The following TMEM39A variants were observed in gnomAD, a reference collection of about 807,000 sequenced individuals.
TMEM39A encodes suppressor of SQST-1 aggregates in rpl-43 mutants.
TMEM39A carries 19 observed loss-of-function variants against 51.9 expected under a neutral mutation model. The ratio of observed to expected loss-of-function variants is 0.37; its 90% confidence interval spans 0.26 to 0.54. TMEM39A has a LOEUF of 0.54. Ranked by LOEUF, TMEM39A falls within the 20% of genes least tolerant of loss-of-function variation. TMEM39A has a pLI of 0.88. For missense variants in TMEM39A, 433 were observed against 590.5 expected (o/e 0.73, Z 2.76); for synonymous variants, 197 against 220.2 (o/e 0.89, Z 0.93).
At chr3:119,455,247 A>G (rs1198259934) in intron 3 of TMEM39A, among the ~76,000 whole-genome samples, 2 of 152,200 alleles carry the variant, frequency 1.3e-5, no homozygotes, top group Non-Finnish European at 2.9e-5. Flanking sequence ...GTGATGGGAA[A>G]TAACTTGATC....
In TMEM39A at chr3:119,436,683, T is replaced by TAA; in HGVS notation, c.1112+106_1112+107dup. On this transcript the variant is annotated intron_variant, in intron 7 of 8. Coordinates refer to ENST00000319172, the MANE Select transcript of TMEM39A (RefSeq NM_018266.3). ...ACAAGCATCCATGTAAGACAAAAACTAAAAATTAAATGTTCAAAGCCAAGA... is the reference window on the plus strand; with the variant it reads ...ACAAGCATCCATGTAAGACAAAAACTAAAAAAATTAAATGTTCAAAGCCAAGA... The TAA allele has an allele frequency of 4.0e-6, 5 of 1,255,960 alleles. No homozygotes were observed. In the South Asian group the frequency reaches 7.2e-5, roughly 18 times the overall value. The allele number at this position is 1,255,960 out of a possible 1,614,324, so 77.8% of individuals were successfully genotyped here.
At position 119,437,961 on chromosome 3, in the gene TMEM39A, A is replaced by C. The variant is rs1577049694; in HGVS notation, c.718T>G (p.Phe240Val). The part of the protein sequence containing the change: ...TVGGLAKSKD[F>V]LSLLLESLKE... ...AGCGACTCCAGCAACAAGGAGAGAA[A>C]GTCTTTGGATTTGGCCAAGCCTCCC... is the stretch of plus-strand genomic sequence containing the variant. Residue 240 changes from phenylalanine to valine, a missense_variant, in exon 6 of 9, where the codon TTT becomes GTT. Coordinates refer to ENST00000319172, the MANE Select transcript of TMEM39A (RefSeq NM_018266.3). 6.2e-7 allele frequency: 1 copy of C among 1,614,166 alleles called. No homozygotes were observed.
At chr3:119,443,007 A>C (rs529955147) in intron 5 of TMEM39A, among the ~76,000 whole-genome samples, 1 of 148,318 alleles carries the variant, frequency 6.7e-6, no homozygotes, top group South Asian at 2.2e-4. Context: ...CAGATGTTGC[A>C]GTGAGCCATG....
intron 4 of TMEM39A, among the ~76,000 whole-genome samples, chr3:119,447,617 A>T (rs2081145061): frequency 7.3e-5 from 11 of 151,406 alleles, no homozygotes; most frequent in Admixed American, 7.2e-4. Flanking sequence ...TTATTTATTT[A>T]TTTTTAATTT....
At chr3:119,440,760 A>G (rs1446560051) in intron 5 of TMEM39A, among the ~76,000 whole-genome samples, 1 of 152,204 alleles carries the variant, frequency 6.6e-6, no homozygotes, top group Non-Finnish European at 1.5e-5. Context: ...ACAACTTCTT[A>G]AAAGTAACGA....
At chr3:119,433,251 T>C (rs759497123) in intron 8 of TMEM39A, among the ~76,000 whole-genome samples, 15 of 152,252 alleles carry the variant, frequency 9.9e-5, no homozygotes, top group East Asian at 1.9e-4. Context: ...TTGACAGCTA[T>C]AGGTAATAGG....
chr3:119,450,708 G>A (rs1436541352), intron 4 of TMEM39A, among the ~76,000 whole-genome samples: 1 of 150,926 alleles, frequency 6.6e-6, no homozygotes, highest in Non-Finnish European at 1.5e-5. Context: ...TGCAATCCCA[G>A]CTACTCAGGA....
Position 119,431,785 on chromosome 3 carries a change from T to C in TMEM39A, c.*196A>G, listed in dbSNP as rs188972315. 6.9e-6 allele frequency: 3 copies of C among 432,524 alleles called. No individual in the cohort carries two copies. The Admixed American group carries it at 1.2e-4, about 17-fold the overall frequency. 26.8% of individuals were successfully genotyped at this position (432,524 alleles called of 1,614,324 possible). A position where few individuals can be genotyped will look rare whatever the true frequency, so the allele number is the denominator to read the frequency against. On this transcript the variant is annotated 3_prime_UTR_variant, in exon 9 of 9. Coordinates refer to ENST00000319172, the MANE Select transcript of TMEM39A (RefSeq NM_018266.3). ...AGGCATACCTCTCATATGTATATTA[T>C]TCGAATATACTAACACATGAAAGAT... is the stretch of plus-strand genomic sequence containing the variant.
intron 4 of TMEM39A, among the ~76,000 whole-genome samples, chr3:119,451,629 G>A (rs371812200): frequency 1.4e-4 from 21 of 152,130 alleles, no homozygotes; most frequent in African/African-American, 4.8e-4. Context: ...TCGGGAGTTC[G>A]AGACCAGCCT....
intron 5 of TMEM39A, among the ~76,000 whole-genome samples, chr3:119,443,349 C>T (rs2081080959): frequency 6.6e-6 from 1 of 152,104 alleles, no homozygotes; most frequent in South Asian, 2.1e-4. Context: ...ACATCACATG[C>T]TACAGAGATA....
In TMEM39A at chr3:119,438,037, G is replaced by C; in HGVS notation, c.642C>G (p.Asp214Glu). 1 of 1,610,858 alleles carries C rather than the reference G, an allele frequency of 6.2e-7. No individual in the cohort carries two copies. The highest frequency in any genetic ancestry group is 8.5e-7 in the Non-Finnish European group (1 of 1,177,192). ...CCTCGTGCTGAACCACATAGTTGTA[G>C]TCTGTGAGAAGAAGATGTGCTCTAC... is the stretch of plus-strand genomic sequence containing the variant. ...QDSRAHLLLTDYNYVVQHEAV... is the reference protein window; with the variant it reads ...QDSRAHLLLTEYNYVVQHEAV... The change falls in exon 6 of 9, where the codon GAC becomes GAG. Residue 214 changes from aspartate (D) to glutamate (E), a missense_variant. Asp to Glu is a conservative substitution (Grantham distance 45, BLOSUM62 2). Around this residue, in one of 3 missense-constraint regions of TMEM39A, gnomAD observed 40 missense variants for 22.6 expected, o/e 1.77. Coordinates refer to ENST00000319172, the MANE Select transcript of TMEM39A (RefSeq NM_018266.3).
chr3:119,458,201 T>A lies in TMEM39A; in HGVS notation c.153A>T (p.Thr51=). Residue 51 remains threonine, a synonymous_variant, in exon 3 of 9, where the codon ACA becomes ACT. Transcript: ENST00000319172. Reference sequence around the variant, plus strand: ...GAACAGGACCTGGGGTGATTAAGGCTGTGATAGGTGGGACTGGAAGGCCAA... The same window carrying A: ...GAACAGGACCTGGGGTGATTAAGGCAGTGATAGGTGGGACTGGAAGGCCAA... The part of the protein sequence containing the change: ...SAIGLPVPPI[T]ALITPGPVRH... The A allele has an allele frequency of 3.7e-6, 6 of 1,614,146 alleles. No homozygotes were observed. Among genetic ancestry groups the A allele is most frequent in the Non-Finnish European group, 5.1e-6 (6 of 1,180,028 alleles).
intron 3 of TMEM39A, among the ~76,000 whole-genome samples, chr3:119,455,166 C>T (rs2081248863): frequency 6.6e-6 from 1 of 152,180 alleles, no homozygotes; most frequent in African/African-American, 2.4e-5. Context: ...AGACAGACCA[C>T]ATATTTGGGA....
chr3:119,444,049 C>A (rs2081092661), intron 5 of TMEM39A, among the ~76,000 whole-genome samples: 1 of 152,202 alleles, frequency 6.6e-6, no homozygotes, highest in African/African-American at 2.4e-5. Context: ...ACAGAACTTA[C>A]AACATCTCTG....
intron 3 of TMEM39A, 82 bp from the exon 4 acceptor site, chr3:119,452,612 C>CTTG (rs1440798686): frequency 8.1e-6 from 9 of 1,104,984 alleles, no homozygotes; most frequent in Non-Finnish European, 1.2e-5. Context: ...GAGGTTTATC[C>CTTG]CTCAAAAGAT....
At position 119,447,140 on chromosome 3, in the gene TMEM39A, G is replaced by A; in HGVS notation, c.453C>T (p.His151=). 1 of 1,614,000 alleles carries A rather than the reference G, an allele frequency of 6.2e-7. No homozygotes were observed. Among genetic ancestry groups the A allele is most frequent in the Non-Finnish European group, 8.5e-7 (1 of 1,179,962 alleles). Residue 151 remains histidine, a synonymous_variant, in exon 5 of 9, where the codon CAC becomes CAT. Coordinates refer to ENST00000319172, the MANE Select transcript of TMEM39A (RefSeq NM_018266.3). The part of the protein sequence containing the change: ...ATKAGAASMI[H]YMVLISARLV... Reference sequence around the variant, plus strand: ...AGCGAGCTGATATCAGAACCATGTAGTGAATCATTGATGCTGCACCTGCCT... The same window carrying A: ...AGCGAGCTGATATCAGAACCATGTAATGAATCATTGATGCTGCACCTGCCT...
chr3:119,463,277 C>G (rs1463822701), intron 1 of TMEM39A, 59 bp downstream of exon 1: 3 of 292,048 alleles, frequency 1.0e-5, no homozygotes, highest in Admixed American at 5.2e-5. Context: ...GCCGCACACC[C>G]AAGAGGGCCG....
chr3:119,452,919 G>A (rs1052315648), intron 3 of TMEM39A, among the ~76,000 whole-genome samples: 1 of 152,164 alleles, frequency 6.6e-6, no homozygotes, highest in South Asian at 2.1e-4. Flanking sequence ...AGAAGTTACT[G>A]TTGTTGGTCT....
In TMEM39A at chr3:119,436,809, C is replaced by T; in HGVS notation, c.1094G>A (p.Ser365Asn). ...TACTCACATGTGCTGTGGAGCATTG[C>T]TGTAGGACCCATGTTCCAACTTCTG... ...KWQKLEHGSYSNAPQHIWSEN... is the reference protein window; with the variant it reads ...KWQKLEHGSYNNAPQHIWSEN... Residue 365 changes from serine to asparagine, a missense_variant, in exon 7 of 9, where the codon AGC (serine) becomes AAC (asparagine). This residue lies in a region of TMEM39A where 223 missense variants were observed against 328.1 expected (regional missense o/e 0.68). Coordinates refer to ENST00000319172, the MANE Select transcript of TMEM39A (RefSeq NM_018266.3). The T allele has an allele frequency of 6.2e-7, 1 of 1,613,390 alleles. No homozygotes were observed. The highest frequency in any genetic ancestry group is 8.5e-7 in the Non-Finnish European group (1 of 1,179,568).
Sources: allele counts gnomAD v4.1 joint callset (sites outside exome capture counted in the v4.1 genomes callset), GRCh38; gene constraint gnomAD v4.1.1; regional missense constraint gnomAD v4.1.1; transcripts MANE v1.5; gene names NCBI Gene and HGNC (gene_info 2026-07-23, HGNC 2026-07-21).